The following USH2A variants were observed in gnomAD, a reference collection of about 807,000 sequenced individuals.
USH2A encodes the protein usherin, also known as Usher syndrome 2A (autosomal recessive, mild).
A neutral mutation model predicts 538.9 loss-of-function variants in USH2A; 443 were observed. That is an observed-to-expected ratio of 0.82 (90% CI 0.76 to 0.89). The LOEUF is 0.89. USH2A is among the 40% of genes least tolerant of loss of function. The pLI is 0.00. For synonymous variants in USH2A, 2,413 were observed against 2,273.5 expected (o/e 1.06, Z -1.75); for missense variants, 6,633 against 6,324.8 (o/e 1.05, Z -1.65).
chr1:215,686,728 T>A (rs1334374821), intron 61 of USH2A, among the ~76,000 whole-genome samples: 1 of 152,080 alleles, frequency 6.6e-6, no homozygotes, highest in Non-Finnish European at 1.5e-5. Flanking sequence ...AAATAATAAA[T>A]CTGCCAGGAA....
intron 3 of USH2A, among the ~76,000 whole-genome samples, chr1:216,373,870 T>C (rs2038763489): frequency 6.6e-6 from 1 of 151,956 alleles, no homozygotes; most frequent in Non-Finnish European, 1.5e-5. Flanking sequence ...CCAACACCGA[T>C]AGACTGGATT....
intron 4 of USH2A, among the ~76,000 whole-genome samples, chr1:216,363,575 A>G (rs1484491209): frequency 1.3e-5 from 2 of 152,162 alleles, no homozygotes; most frequent in Non-Finnish European, 2.9e-5. Flanking sequence ...TGGTTGATAT[A>G]TATAAATGGA....
At chr1:216,301,508 T>C (rs2037216371) in intron 9 of USH2A, among the ~76,000 whole-genome samples, 1 of 152,156 alleles carries the variant, frequency 6.6e-6, no homozygotes, top group South Asian at 2.1e-4. Context: ...CCGAAAATAG[T>C]ATTCGAGGGA....
chr1:215,979,115 G>T (rs1472659349), intron 35 of USH2A, among the ~76,000 whole-genome samples: 1 of 152,136 alleles, frequency 6.6e-6, no homozygotes, highest in Admixed American at 6.5e-5. Context: ...GGAGCAAAGG[G>T]ATGTTTTACA....
At chr1:216,204,605 C>A (rs2035071477) in intron 16 of USH2A, among the ~76,000 whole-genome samples, 2 of 152,094 alleles carry the variant, frequency 1.3e-5, no homozygotes, top group Non-Finnish European at 2.9e-5. Flanking sequence ...TGGAAGACAA[C>A]ACTATTAATT....
chr1:216,086,339 C>T (rs1163870945), intron 24 of USH2A, among the ~76,000 whole-genome samples: 1 of 152,068 alleles, frequency 6.6e-6, no homozygotes, highest in Non-Finnish European at 1.5e-5. Flanking sequence ...AGGGAATGTT[C>T]TTCACCCTAT....
chr1:215,979,787 A>C (rs570693215), intron 35 of USH2A, among the ~76,000 whole-genome samples: 140 of 152,260 alleles, frequency 9.2e-4, no homozygotes, highest in African/African-American at 3.3e-3. Flanking sequence ...TTCAGAAAAG[A>C]GTGTTCCTTT....
chr1:215,923,736 C>T (rs963030824), intron 38 of USH2A, among the ~76,000 whole-genome samples: 3 of 152,032 alleles, frequency 2.0e-5, no homozygotes, highest in Non-Finnish European at 4.4e-5. Flanking sequence ...GCCACTAGGA[C>T]TGCACAAGAG....
chr1:215,821,886 C>G (rs1469578861), intron 47 of USH2A, among the ~76,000 whole-genome samples: 1 of 151,782 alleles, frequency 6.6e-6, no homozygotes, highest in Non-Finnish European at 1.5e-5. Context: ...AAGACTGTTT[C>G]CTCATTGCAA....
intron 3 of USH2A, among the ~76,000 whole-genome samples, chr1:216,390,429 C>A (rs1009428892): frequency 1.3e-5 from 2 of 152,094 alleles, no homozygotes; most frequent in African/African-American, 4.8e-5. Context: ...TGAATCCATA[C>A]CATAATTGCA....
intron 15 of USH2A, among the ~76,000 whole-genome samples, chr1:216,209,814 A>T (rs2102484845): frequency 6.6e-6 from 1 of 152,314 alleles, no homozygotes; most frequent in East Asian, 1.9e-4. Flanking sequence ...CAGGTGAAGG[A>T]CAGTCTTTTG....
At chr1:215,900,690 C>A in intron 39 of USH2A, 65 bp downstream of exon 39, 1 of 1,608,848 alleles carries the variant, frequency 6.2e-7, no homozygotes, top group Non-Finnish European at 8.5e-7. Context: ...CTGACCTACT[C>A]TTCAAAAATG....
chr1:216,127,210 A>C (rs2033272798), intron 21 of USH2A, among the ~76,000 whole-genome samples: 1 of 152,226 alleles, frequency 6.6e-6, no homozygotes. Flanking sequence ...AAATGAGGAA[A>C]AAAATGTAAG....
chr1:215,692,741 T>C (rs925473035), intron 61 of USH2A, among the ~76,000 whole-genome samples: 2 of 152,072 alleles, frequency 1.3e-5, no homozygotes, highest in African/African-American at 4.8e-5. Context: ...TCTTTAAAAA[T>C]CATTTTTGAA....
At chr1:215,796,372 T>C (rs961044863) in intron 50 of USH2A, among the ~76,000 whole-genome samples, 3 of 152,082 alleles carry the variant, frequency 2.0e-5, no homozygotes, top group African/African-American at 7.2e-5. Flanking sequence ...ATTTTGATGA[T>C]TCTCACAATA....
chr1:216,039,730 C>T (rs115921169), intron 32 of USH2A, among the ~76,000 whole-genome samples: 95 of 151,978 alleles, frequency 6.3e-4, no homozygotes, highest in African/African-American at 2.1e-3. Flanking sequence ...TTCCTTATAA[C>T]GCTCGGATAG....
At chr1:216,044,526 C>A (rs1385936845) in intron 32 of USH2A, among the ~76,000 whole-genome samples, 2 of 151,932 alleles carry the variant, frequency 1.3e-5, no homozygotes, top group South Asian at 2.1e-4. Context: ...TAAGATTAAC[C>A]TATTCAGTTT....
intron 11 of USH2A, among the ~76,000 whole-genome samples, chr1:216,270,128 T>C (rs537220812): frequency 1.3e-3 from 191 of 152,218 alleles, no homozygotes; most frequent in African/African-American, 4.1e-3. Context: ...GCAACACTTT[T>C]AAAACAGCAG....
At chr1:216,094,938 G>T (rs777236257) in intron 22 of USH2A, among the ~76,000 whole-genome samples, 3 of 148,814 alleles carry the variant, frequency 2.0e-5, no homozygotes, top group Non-Finnish European at 4.5e-5. Context: ...GTTCAAATGA[G>T]TTTATGTGCG....
Sources: gnomAD v4.1 joint callset for allele counts (sites outside exome capture counted in the v4.1 genomes callset) on GRCh38, gnomAD v4.1.1 for gene constraint, MANE v1.5 for transcripts, NCBI Gene and HGNC (gene_info 2026-07-23, HGNC 2026-07-21) for gene names.